ZNF618: variants seen among roughly 807,000 people sequenced by gnomAD.
The protein encoded by ZNF618 is zinc finger protein 618.
A neutral mutation model predicts 103.0 loss-of-function variants in ZNF618; 34 were observed. That is an observed-to-expected ratio of 0.33 (90% CI 0.25 to 0.44). The LOEUF (loss-of-function observed/expected upper bound fraction) is 0.44, where lower values mean the gene tolerates loss of function less well. Among genes scored for constraint, ZNF618 ranks in the 20% least tolerant of loss-of-function variants. The probability of loss-of-function intolerance (pLI) is 1.00; values close to 1 mark genes in which losing one functional copy is unlikely to be tolerated. For missense variants in ZNF618, 1,059 were observed against 1,295.4 expected, an observed-to-expected ratio of 0.82 and a Z score of 2.80; for synonymous variants, 551 against 542.2, an observed-to-expected ratio of 1.02 and a Z score of -0.23.
At chr9:114,026,926 G>A (rs1350815123) in intron 10 of ZNF618, among the ~76,000 whole-genome samples, 1 of 152,124 alleles carries the variant, frequency 6.6e-6, no homozygotes, top group Non-Finnish European at 1.5e-5. Flanking sequence ...TGGAGGCCGA[G>A]GGTTACAGAG....
chr9:114,024,201 C>T (rs1564312704), intron 10 of ZNF618, among the ~76,000 whole-genome samples: 1 of 152,134 alleles, frequency 6.6e-6, no homozygotes, highest in Non-Finnish European at 1.5e-5. Flanking sequence ...TCTGTGGTGT[C>T]TAATCTGCTT....
chr9:114,005,638 C>G (rs1232912128), intron 6 of ZNF618, among the ~76,000 whole-genome samples: 2 of 152,136 alleles, frequency 1.3e-5, no homozygotes, highest in Non-Finnish European at 2.9e-5. Context: ...GGAACCAGAC[C>G]CCAGGTGGCC....
chr9:114,031,120 G>A (rs1159895408), intron 11 of ZNF618, among the ~76,000 whole-genome samples: 3 of 152,188 alleles, frequency 2.0e-5, no homozygotes, highest in Non-Finnish European at 4.4e-5. Flanking sequence ...CTGTGAAATG[G>A]GAATGACAGT....
intron 2 of ZNF618, among the ~76,000 whole-genome samples, chr9:113,972,176 T>C (rs1163356413): frequency 6.6e-6 from 1 of 152,106 alleles, no homozygotes; most frequent in East Asian, 1.9e-4. Flanking sequence ...GCCTCCCAAG[T>C]AGCTGGGACT....
At chr9:114,032,249 G>A (rs1844132585) in intron 11 of ZNF618, among the ~76,000 whole-genome samples, 1 of 152,254 alleles carries the variant, frequency 6.6e-6, no homozygotes, top group Non-Finnish European at 1.5e-5. Flanking sequence ...GCACTTCGGT[G>A]GGGCCCGTGG....
At chr9:113,902,568 G>T (rs1267363057) in intron 1 of ZNF618, among the ~76,000 whole-genome samples, 1 of 152,060 alleles carries the variant, frequency 6.6e-6, no homozygotes, top group Non-Finnish European at 1.5e-5. Context: ...ATTGTTTTGT[G>T]TGCATGCTTT....
chr9:114,003,917 A>G lies in ZNF618; in HGVS notation c.550+1255A>G, dbSNP rs147352625. The stretch of plus-strand genomic sequence containing the variant: ...TCAGCCCTGCCCTTGTAGTGGGAAC[A>G]TGCCAGGAACAGAGATAATATGTAA... On this transcript the variant is annotated intron_variant, in intron 6 of 14. Transcript: ENST00000374126. Among the ~76,000 whole-genome samples the G allele has an allele frequency of 9.2e-3, 1,408 of 152,330 alleles. 10 individuals are homozygous for G. Among genetic ancestry groups the G allele is most frequent in the Non-Finnish European group, 0.015 (1,049 of 68,026 alleles).
At chr9:113,953,098 A>C (rs1432203161) in intron 1 of ZNF618, among the ~76,000 whole-genome samples, 1 of 152,250 alleles carries the variant, frequency 6.6e-6, no homozygotes, top group Non-Finnish European at 1.5e-5. Flanking sequence ...TTAAAAAGGC[A>C]ATCGGCTTAA....
chr9:114,026,431 A>C (rs2134126835), intron 10 of ZNF618, among the ~76,000 whole-genome samples: 1 of 152,314 alleles, frequency 6.6e-6, no homozygotes, highest in Middle Eastern at 3.4e-3. Flanking sequence ...TACAGCAGGA[A>C]TTGTAGACTC....
At chr9:113,996,573 G>C (rs1368585759) in intron 3 of ZNF618, among the ~76,000 whole-genome samples, 1 of 152,212 alleles carries the variant, frequency 6.6e-6, no homozygotes, top group South Asian at 2.1e-4. Context: ...CTCTGGGAGG[G>C]AGCTAAGCCA....
rs1846136253 is a variant in ZNF618 at position 114,051,581 on chromosome 9, AC to A, written c.*1417del. The A allele has an allele frequency of 6.6e-6, 1 of 152,482 alleles. No individual in the cohort carries two copies. The highest frequency in any genetic ancestry group is 2.1e-4 in the South Asian group (1 of 4,804). 9.4% of individuals were successfully genotyped at this position (152,482 alleles called of 1,614,324 possible). A position where few individuals can be genotyped will look rare whatever the true frequency, so the allele number is the denominator to read the frequency against. On this transcript the variant is annotated 3_prime_UTR_variant, in exon 15 of 15. Coordinates refer to ENST00000374126, the MANE Select transcript of ZNF618 (RefSeq NM_001318042.2). ...CCACAGCCTCTCCTCACTTCCCAGG[AC>A]CCTGAGGCTTCCAGGAGCTCTGCTG... is the stretch of plus-strand genomic sequence containing the variant.
intron 9 of ZNF618, among the ~76,000 whole-genome samples, chr9:114,014,278 A>C (rs545961644): frequency 6.6e-6 from 1 of 152,218 alleles, no homozygotes; most frequent in East Asian, 1.9e-4. Flanking sequence ...GATTTAAAAT[A>C]ATCCAGTTAT....
At chr9:113,939,427 A>G (rs1159652471) in intron 1 of ZNF618, among the ~76,000 whole-genome samples, 1 of 152,124 alleles carries the variant, frequency 6.6e-6, no homozygotes, top group East Asian at 1.9e-4. Context: ...TTGGATCTAT[A>G]TTTATGTAAG....
chr9:113,945,239 T>G (rs541183458), intron 1 of ZNF618, among the ~76,000 whole-genome samples: 5 of 152,182 alleles, frequency 3.3e-5, no homozygotes, highest in Non-Finnish European at 7.4e-5. Context: ...TTTGCTTGGT[T>G]TAAGCCAAAC....
chr9:114,004,543 G>C (rs1238223961), intron 6 of ZNF618, among the ~76,000 whole-genome samples: 1 of 152,202 alleles, frequency 6.6e-6, no homozygotes, highest in Non-Finnish European at 1.5e-5. Flanking sequence ...GTTGTCCGCG[G>C]GCTTGCTGGT....
chr9:114,056,027 G>A lies in ZNF618; in HGVS notation c.*5860G>A, dbSNP rs1017840592. 2.0e-5 allele frequency: 3 copies of A among 152,090 alleles called. No individual in the cohort carries two copies. The highest frequency in any genetic ancestry group is 4.4e-5 in the Non-Finnish European group (3 of 67,978). The allele number at this position is 152,090 out of a possible 1,614,324, so 9.4% of individuals were successfully genotyped here. ...ACACTTGCTGTGTTAATTAACAAAA[G>A]ATGTTGTGTGCGGTCTCCTGTATCG... On this transcript the variant is annotated 3_prime_UTR_variant, in exon 15 of 15. Coordinates refer to ENST00000374126, the MANE Select transcript of ZNF618 (RefSeq NM_001318042.2).
At chr9:113,937,879 T>G (rs1834165786) in intron 1 of ZNF618, among the ~76,000 whole-genome samples, 2 of 152,168 alleles carry the variant, frequency 1.3e-5, no homozygotes, top group South Asian at 4.1e-4. Context: ...TATGTGCCTT[T>G]TTTTTGTTGT....
At chr9:113,933,734 G>T (rs929057231) in intron 1 of ZNF618, among the ~76,000 whole-genome samples, 9 of 152,150 alleles carry the variant, frequency 5.9e-5, no homozygotes, top group Non-Finnish European at 8.8e-5. Context: ...GAGTTGACTT[G>T]GGGTTTTGCC....
rs571232391 is a variant in ZNF618 at position 114,050,360 on chromosome 9, G to A, written c.*193G>A. ...TGTACACAGCCACACGTGTGTGCACGTGTCTGAACACGTGCTGTGGTTGTG... is the reference window on the plus strand; with the variant it reads ...TGTACACAGCCACACGTGTGTGCACATGTCTGAACACGTGCTGTGGTTGTG... On this transcript the variant is annotated 3_prime_UTR_variant, in exon 15 of 15. Coordinates refer to ENST00000374126, the MANE Select transcript of ZNF618 (RefSeq NM_001318042.2). The A allele has an allele frequency of 1.7e-5, 11 of 633,172 alleles. No individual in the cohort carries two copies. Among genetic ancestry groups the A allele is most frequent in the East Asian group, 6.1e-5 (2 of 32,996 alleles). The allele number at this position is 633,172 out of a possible 1,614,324, so 39.2% of individuals were successfully genotyped here. A position where few individuals can be genotyped will look rare whatever the true frequency, so the allele number is the denominator to read the frequency against.
Sources: allele counts gnomAD v4.1 joint callset (sites outside exome capture counted in the v4.1 genomes callset), GRCh38; gene constraint gnomAD v4.1.1; transcripts MANE v1.5; gene names NCBI Gene and HGNC (gene_info 2026-07-23, HGNC 2026-07-21).